GPR137: variants seen among roughly 807,000 people sequenced by gnomAD.
GPR137 encodes the protein integral membrane protein GPR137.
Under a neutral mutation model 38.9 loss-of-function variants are expected in GPR137, and 20 were observed. The observed-to-expected ratio is 0.51, with a 90% confidence interval of 0.36 to 0.75. The LOEUF is 0.75. GPR137 is among the 30% of genes least tolerant of loss of function. The probability of loss-of-function intolerance (pLI) is 0.00; values close to 1 mark genes in which losing one functional copy is unlikely to be tolerated. For missense variants in GPR137, 456 were observed against 526.4 expected, an observed-to-expected ratio of 0.87 and a Z score of 1.31; for synonymous variants, 226 against 235.8, an observed-to-expected ratio of 0.96 and a Z score of 0.38.
Position 64,289,079 on chromosome 11 carries a change from C to G in GPR137, c.1074C>G (p.Ile358Met). 6.2e-7 allele frequency: 1 copy of G among 1,607,622 alleles called. No homozygotes were observed. The highest frequency in any genetic ancestry group is 8.5e-7 in the Non-Finnish European group (1 of 1,178,416). Residue 358 changes from isoleucine to methionine, a missense_variant, in exon 7 of 7, where the codon ATC becomes ATG. By Grantham distance (10) the Ile-to-Met change is conservative. Coordinates refer to ENST00000438980, the MANE Select transcript of GPR137 (RefSeq NM_001170880.2). ...GCTCTGGGAGCTGGTATGGTGCCAT[C>G]GGGCGTGAGCCGGGCTGGTATGGGG... ...SLGSGSWYGA[I>M]GREPGWYGGS...
chr11:64,284,802 C>G (rs981954375), upstream of GPR137: 2 of 1,529,388 alleles, frequency 1.3e-6, no homozygotes, highest in African/African-American at 1.4e-5. Context: ...CCGGCCCCGC[C>G]CCCCCGCCGG....
At chr11:64,285,325 G>A (rs1190278244), upstream of GPR137, 2 of 985,568 alleles carry the variant, frequency 2.0e-6, no homozygotes, top group Admixed American at 6.2e-5. Flanking sequence ...CGGGGACCCG[G>A]TGAGGGAGGA....
upstream of GPR137, among the ~76,000 whole-genome samples, chr11:64,273,874 A>AAT (rs2032833354): frequency 6.6e-6 from 1 of 150,862 alleles, no homozygotes; most frequent in Non-Finnish European, 1.5e-5. Context: ...AAAAAAAAAA[A>AAT]AAAAAAGAGA....
In GPR137 at chr11:64,286,401, T is replaced by C. The variant is rs1191703175; in HGVS notation, c.-124T>C. 1.4e-6 allele frequency: 2 copies of C among 1,446,650 alleles called. No individual in the cohort carries two copies. The highest frequency in any genetic ancestry group is 1.8e-6 in the Non-Finnish European group (2 of 1,104,716). 89.6% of individuals were successfully genotyped at this position (1,446,650 alleles called of 1,614,324 possible). On this transcript the variant is annotated 5_prime_UTR_variant, in exon 1 of 7. Transcript: ENST00000438980. ...GAGGGGCCTGTCAGCCACAACTTCT[T>C]TCCTCCTGAGCGCCCCATCTCCCTC...
rs189125968 is a variant in GPR137 at position 64,289,355 on chromosome 11, C to T, written c.*159C>T. 9.2e-5 allele frequency: 146 copies of T among 1,589,846 alleles called. 1 individual carries two copies. The highest frequency in any genetic ancestry group is 3.4e-4 in the Middle Eastern group (2 of 5,886). On this transcript the variant is annotated 3_prime_UTR_variant, in exon 7 of 7. Transcript: ENST00000438980. ...TGCTCCTGTCATAGTGAGCTTGTGC[C>T]GTCCCCCTAGGATGGGGGGCATGGC...
chr11:64,286,787 A>G lies in GPR137; in HGVS notation c.263A>G (p.Asn88Ser). Reference protein sequence around the residue: ...SFYFRDTPRANRLGPLPFWLL... With the variant: ...SFYFRDTPRASRLGPLPFWLL... ...TACTTCCGAGATACTCCCCGCGCCA[A>G]CCGCCTGGGGCCCTTGCCCTTCTGG... is the stretch of plus-strand genomic sequence containing the variant. The change falls in exon 1 of 7, where the codon AAC becomes AGC. Residue 88 changes from asparagine (N) to serine (S), a missense_variant. Physicochemically the swap from Asn to Ser is conservative, Grantham distance 46 (BLOSUM62 1). Transcript: ENST00000438980. 1.2e-6 allele frequency: 2 copies of G among 1,607,956 alleles called. No individual in the cohort carries two copies. The highest frequency in any genetic ancestry group is 8.5e-7 in the Non-Finnish European group (1 of 1,176,324).
upstream of GPR137, chr11:64,284,658 C>T (rs1476547542): frequency 6.5e-7 from 1 of 1,534,330 alleles, no homozygotes; most frequent in Non-Finnish European, 8.7e-7. Flanking sequence ...GGCCCCTGAC[C>T]CGGGCCTGCC....
upstream of GPR137, chr11:64,284,135 G>C (rs2033672028): frequency 1.3e-6 from 2 of 1,522,344 alleles, no homozygotes; most frequent in East Asian, 4.5e-5. Flanking sequence ...GGAGCCAGTG[G>C]GCTGGGGGTG....
At position 64,285,922 on chromosome 11, in the gene GPR137, G is replaced by A. The variant is rs1461764623; in HGVS notation, c.-603G>A. 9.3e-6 allele frequency: 9 copies of A among 968,668 alleles called. No homozygotes were observed. Among genetic ancestry groups the A allele is most frequent in the Non-Finnish European group, 1.1e-5 (9 of 814,678 alleles). The allele number at this position is 968,668 out of a possible 1,614,324, so 60.0% of individuals were successfully genotyped here. ...CCGGCTCTCCCATCAGCGGCCTGAG[G>A]ACCTGGCGTCCGCCTCCTCCCTCCC... On this transcript the variant is annotated 5_prime_UTR_variant, in exon 1 of 7. Transcript: ENST00000438980.
chr11:64,287,887 G>A lies in GPR137; in HGVS notation c.574G>A (p.Ala192Thr), dbSNP rs1565361087. The A allele has an allele frequency of 2.5e-6, 4 of 1,603,278 alleles. No homozygotes were observed. Among genetic ancestry groups the A allele is most frequent in the Non-Finnish European group, 3.4e-6 (4 of 1,179,956 alleles). ...CGTCATCTGCGCGCTGTCTCTTGCT[G>A]CCTGCCTCTGCCTCGTCGCCAGGCG... ...LFVICALSLAACLCLVARRAP... is the reference protein window; with the variant it reads ...LFVICALSLATCLCLVARRAP... The change falls in exon 3 of 7, where the codon GCC becomes ACC. Residue 192 changes from alanine (A) to threonine (T), a missense_variant. Coordinates refer to ENST00000438980, the MANE Select transcript of GPR137 (RefSeq NM_001170880.2).
At chr11:64,278,296 G>A (rs2033201824) in intron 2 of GPR137, among the ~76,000 whole-genome samples, 2 of 151,734 alleles carry the variant, frequency 1.3e-5, no homozygotes, top group South Asian at 2.1e-4. Flanking sequence ...CTGGGAGGTA[G>A]AGGTTGCTGC....
rs1263398829 is a variant in GPR137, at chr11:64,286,569, G to C, written c.45G>C (p.Val15=). 1.2e-6 allele frequency: 2 copies of C among 1,613,386 alleles called. No homozygotes were observed. The highest frequency in any genetic ancestry group is 2.2e-5 in the East Asian group (1 of 44,884). Residue 15 remains valine (V), a synonymous_variant, in exon 1 of 7, where the codon GTG becomes GTC. Transcript: ENST00000438980. ...GCCTGGTGCCTGCTGCCGGGCTGGT[G>C]CCTGCGCTGCCACCTGCTGTGACCC... is the stretch of plus-strand genomic sequence containing the variant. ...LSGLVPAAGL[V]PALPPAVTLG...
At position 64,286,234 on chromosome 11, in the gene GPR137, G is replaced by C. The variant is rs2034023496; in HGVS notation, c.-291G>C. On this transcript the variant is annotated 5_prime_UTR_variant, in exon 1 of 7. Coordinates refer to ENST00000438980, the MANE Select transcript of GPR137 (RefSeq NM_001170880.2). ...TGCATCCCCCCATCCTTGGCTCTGG[G>C]GTAGGCCCAGGGAGGAGACACCCCC... 1 of 1,223,422 alleles carries C rather than the reference G, an allele frequency of 8.2e-7. No homozygotes were observed. The highest frequency in any genetic ancestry group is 1.0e-6 in the Non-Finnish European group (1 of 978,648). The allele number at this position is 1,223,422 out of a possible 1,614,324, so 75.8% of individuals were successfully genotyped here. A position where few individuals can be genotyped will look rare whatever the true frequency, so the allele number is the denominator to read the frequency against.
chr11:64,288,422 C>T lies in GPR137; in HGVS notation c.866C>T (p.Thr289Ile), dbSNP rs2034388439. 6.2e-7 allele frequency: 1 copy of T among 1,613,530 alleles called. No individual in the cohort carries two copies. Among genetic ancestry groups the T allele is most frequent in the African/African-American group, 1.3e-5 (1 of 74,934 alleles). The change falls in exon 5 of 7, where the codon ACC becomes ATC. Residue 289 changes from threonine to isoleucine, a missense_variant. Thr to Ile is a moderately conservative substitution (Grantham distance 89). Transcript: ENST00000438980. The surrounding 1 kb of genome is among the most constrained non-coding windows in gnomAD (Gnocchi z 5.5). Reference protein sequence around the residue: ...ILFVWELLPTTLLVGFFRVHR... With the variant: ...ILFVWELLPTILLVGFFRVHR... ...TTCGTGTGGGAGCTACTGCCCACCA[C>T]CCTGCTGGTGGGCTTCTTCCGGGTG...
upstream of GPR137, chr11:64,285,397 G>A (rs2033841845): frequency 1.0e-6 from 1 of 984,882 alleles, no homozygotes; most frequent in Admixed American, 6.2e-5. Flanking sequence ...AGGGCCGCGG[G>A]CGCGCCGGGG....
At chr11:64,284,619 C>A, upstream of GPR137, 2 of 1,513,008 alleles carry the variant, frequency 1.3e-6, no homozygotes, top group Non-Finnish European at 1.8e-6. Flanking sequence ...GGTGACGGCG[C>A]ACAGGTCTCA....
upstream of GPR137, among the ~76,000 whole-genome samples, chr11:64,283,705 G>A (rs553897277): frequency 6.6e-6 from 1 of 152,346 alleles, no homozygotes; most frequent in South Asian, 2.1e-4. Context: ...GAAACACCAG[G>A]AAGGTGTGGC....
upstream of GPR137, among the ~76,000 whole-genome samples, chr11:64,280,358 A>AT (rs1168306795): frequency 3.0e-5 from 4 of 132,326 alleles, no homozygotes; most frequent in African/African-American, 5.5e-5. Flanking sequence ...AATAATAATA[A>AT]TTTTTTTTTT....
rs145731015 is a variant in GPR137, at chr11:64,288,181, C to T, written c.750C>T (p.Thr250=). The change falls in exon 4 of 7, where the codon ACC becomes ACT. Residue 250 remains threonine (T), a synonymous_variant. Coordinates refer to ENST00000438980, the MANE Select transcript of GPR137 (RefSeq NM_001170880.2). This position sits in a 1 kb window ranked among gnomAD's most constrained non-coding sequence, Gnocchi z 5.5. ...LALAPQSRLD[T]FDYDWYNVSD... ...TGGCCCCCCAGAGCCGGCTGGACAC[C>T]TTCGATTACGACTGGTACAATGTGT... 1.9e-4 allele frequency: 307 copies of T among 1,613,116 alleles called. No homozygotes were observed. Among genetic ancestry groups the T allele is most frequent in the Non-Finnish European group, 2.4e-4 (287 of 1,179,984 alleles).
Sources: gnomAD v4.1 joint callset for allele counts (sites outside exome capture counted in the v4.1 genomes callset) on GRCh38, gnomAD v4.1.1 for gene constraint, Gnocchi (gnomAD v3.1) non-coding constraint, MANE v1.5 for transcripts, NCBI Gene and HGNC (gene_info 2026-07-23, HGNC 2026-07-21) for gene names.